Variants in HORMAD2 observed in about 807,000 individuals in gnomAD.
HORMAD2 encodes HORMA domain containing 2.
In HORMAD2, 45 loss-of-function variants were observed where a neutral mutation model predicts 38.8. That is an observed-to-expected ratio of 1.16 (90% CI 0.91 to 1.49). HORMAD2 has a LOEUF of 1.49. Ranked by LOEUF, HORMAD2 falls within the 40% of genes most tolerant of loss-of-function variation. The probability of loss-of-function intolerance (pLI) is 0.00; values close to 1 mark genes in which losing one functional copy is unlikely to be tolerated. For missense variants in HORMAD2, 338 were observed against 367.0 expected, an observed-to-expected ratio of 0.92 and a Z score of 0.65; for synonymous variants, 126 against 122.8, an observed-to-expected ratio of 1.03 and a Z score of -0.17.
chr22:30,202,399 A>AT, the HORMAD2 span, among the ~76,000 whole-genome samples: 44 of 145,874 alleles, frequency 3.0e-4, no homozygotes, highest in Admixed American at 1.0e-3. Context: ...AGTGGAATGG[A>AT]TTTTTTTTTT....
At chr22:30,205,787 C>T in the HORMAD2 span, among the ~76,000 whole-genome samples, 5 of 152,068 alleles carry the variant, frequency 3.3e-5, no homozygotes, top group African/African-American at 9.7e-5. Context: ...AGCCGCTGCC[C>T]GTTCTGTTTG....
chr22:30,158,358 G>A (rs1569115140), intron 10 of HORMAD2, among the ~76,000 whole-genome samples: 1 of 152,076 alleles, frequency 6.6e-6, no homozygotes, highest in Non-Finnish European at 1.5e-5. Context: ...ATCTAAGGAT[G>A]ACAAATATTT....
At chr22:30,146,152 G>A (rs918549186) in intron 10 of HORMAD2, among the ~76,000 whole-genome samples, 5 of 152,096 alleles carry the variant, frequency 3.3e-5, no homozygotes, top group Admixed American at 3.3e-4. Context: ...TATAGATGCA[G>A]AAAAAAAGTA....
Position 30,119,037 on chromosome 22 carries a change from G to A in HORMAD2, c.400G>A (p.Asp134Asn), listed in dbSNP as rs776242818. 6.3e-7 allele frequency: 1 copy of A among 1,578,810 alleles called. No homozygotes were observed. Among genetic ancestry groups the A allele is most frequent in the Non-Finnish European group, 8.6e-7 (1 of 1,159,246 alleles). ...FKYTKEGATM[D>N]FDSHSSSTSF... is the part of the protein sequence containing the mutation. ...ATACACGAAAGAAGGAGCCACTATG[G>A]ATTTTGACAGGTAGAATCTAACTGC... Residue 134 changes from aspartate (D) to asparagine (N), a missense_variant, in exon 8 of 11, where the codon GAT becomes AAT. Physicochemically the swap from Asp to Asn is conservative, Grantham distance 23. Transcript: ENST00000336726.
At chr22:30,165,494 G>A (rs562013729) in intron 10 of HORMAD2, among the ~76,000 whole-genome samples, 1 of 152,240 alleles carries the variant, frequency 6.6e-6, no homozygotes, top group East Asian at 1.9e-4. Context: ...ATTGCTTTGG[G>A]TAGTATTGAC....
chr22:30,206,052 G>A, the HORMAD2 span, among the ~76,000 whole-genome samples: 1 of 152,022 alleles, frequency 6.6e-6, no homozygotes, highest in Non-Finnish European at 1.5e-5. Context: ...CAACTCTCGC[G>A]TGCTCAGTAT....
chr22:30,157,026 A>T (rs953792173), intron 10 of HORMAD2, among the ~76,000 whole-genome samples: 1 of 152,230 alleles, frequency 6.6e-6, no homozygotes, highest in Admixed American at 6.5e-5. Flanking sequence ...ATTCTAAGCC[A>T]AAATATACCC....
At chr22:30,103,828 A>G (rs1269386788) in intron 4 of HORMAD2, among the ~76,000 whole-genome samples, 1 of 150,726 alleles carries the variant, frequency 6.6e-6, no homozygotes, top group Non-Finnish European at 1.5e-5. Flanking sequence ...CGCTCAGCTA[A>G]TTTTTGTATT....
Position 30,155,089 on chromosome 22 carries a change from AAAAG to A in HORMAD2, c.820-20959_820-20956del, listed in dbSNP as rs1003028267. On this transcript the variant is annotated intron_variant, in intron 10 of 10. Coordinates refer to ENST00000336726, the MANE Select transcript of HORMAD2 (RefSeq NM_152510.4). ...CCTTGCTTTTTTTAAAAAAAAAAAA[AAAAG>A]AAAGAAAGAAAGAAGGAATATCACA... Among the ~76,000 whole-genome samples the A allele has an allele frequency of 2.4e-4, 36 of 151,712 alleles. No homozygotes were observed. The South Asian group carries it at 5.4e-3, about 23-fold the overall frequency.
chr22:30,102,940 C>G (rs1225200840), intron 3 of HORMAD2, among the ~76,000 whole-genome samples: 7 of 152,042 alleles, frequency 4.6e-5, no homozygotes. Flanking sequence ...TAAACCCAAA[C>G]TCTTAATATG....
chr22:30,118,498 C>T (rs576957883), intron 7 of HORMAD2, among the ~76,000 whole-genome samples: 1 of 152,352 alleles, frequency 6.6e-6, no homozygotes, highest in East Asian at 1.9e-4. Flanking sequence ...ACAGCACTTA[C>T]ACTATCGGAA....
intron 1 of HORMAD2, among the ~76,000 whole-genome samples, chr22:30,092,310 G>A (rs899731709): frequency 6.9e-6 from 1 of 145,814 alleles, no homozygotes; most frequent in African/African-American, 2.5e-5. Context: ...CCATTTGTAT[G>A]CCTTCTTTTG....
chr22:30,192,432 G>A, the HORMAD2 span, among the ~76,000 whole-genome samples: 1 of 152,170 alleles, frequency 6.6e-6, no homozygotes, highest in African/African-American at 2.4e-5. Context: ...ACTGCTCAGA[G>A]GTGTGAGGAT....
rs1436540325 is a variant in HORMAD2, at chr22:30,122,073, CT to C, written c.681del (p.His228IlefsTer3). ...NVQVGFVSTG[F>X]HSMKVKVMTE... ...TGCAAGTGGGATTTGTCTCCACTGG[CT>C]TTCATAGCATGAAAGTAAAAGTCAT... On this transcript the variant is annotated frameshift_variant, in exon 10 of 11. Coordinates refer to ENST00000336726, the MANE Select transcript of HORMAD2 (RefSeq NM_152510.4). LOFTEE classifies it high-confidence loss of function. 1.9e-6 allele frequency: 3 copies of C among 1,613,570 alleles called. No homozygotes were observed. The highest frequency in any genetic ancestry group is 2.5e-6 in the Non-Finnish European group (3 of 1,179,806).
chr22:30,085,874 G>A (rs2068562243), intron 1 of HORMAD2, among the ~76,000 whole-genome samples: 1 of 152,180 alleles, frequency 6.6e-6, no homozygotes, highest in African/African-American at 2.4e-5. Context: ...GACAACTATG[G>A]TACAGTATAT....
At chr22:30,149,648 T>C (rs1457257840) in intron 10 of HORMAD2, among the ~76,000 whole-genome samples, 1 of 152,228 alleles carries the variant, frequency 6.6e-6, no homozygotes, top group East Asian at 1.9e-4. Context: ...CAGGGAATTC[T>C]TTGCCCCTCC....
chr22:30,175,278 A>AATATAATATAGAATATATATAATAATAT (rs1926375586), intron 10 of HORMAD2, among the ~76,000 whole-genome samples: 1 of 142,424 alleles, frequency 7.0e-6, no homozygotes, highest in Non-Finnish European at 1.5e-5. Context: ...TAATATATAT[A>AATATAATATAGAATATATATAATAATAT]ATATAATATA....
chr22:30,142,704 C>T (rs889800353), intron 10 of HORMAD2, among the ~76,000 whole-genome samples: 1 of 152,132 alleles, frequency 6.6e-6, no homozygotes, highest in Non-Finnish European at 1.5e-5. Context: ...TGGTTTATGA[C>T]AGTCATTTTA....
intron 2 of HORMAD2, among the ~76,000 whole-genome samples, chr22:30,095,829 A>G (rs1601510041): frequency 6.6e-6 from 1 of 152,212 alleles, no homozygotes; most frequent in African/African-American, 2.4e-5. Context: ...CATATAATGC[A>G]TAGGTGTACA....
Sources: allele counts gnomAD v4.1 joint callset (sites outside exome capture counted in the v4.1 genomes callset), GRCh38; gene constraint gnomAD v4.1.1; transcripts MANE v1.5; gene names NCBI Gene and HGNC (gene_info 2026-07-23, HGNC 2026-07-21).